SNX25: variants seen among roughly 807,000 people sequenced by gnomAD.
SNX25 encodes the protein sorting nexin 25.
Under a neutral mutation model 113.7 loss-of-function variants are expected in SNX25, and 62 were observed. The ratio of observed to expected loss-of-function variants is 0.55; its 90% CI spans 0.44 to 0.67. The LOEUF is 0.67. SNX25 is among the 30% of genes least tolerant of loss of function. SNX25 has a pLI of 0.00. For synonymous variants in SNX25, 421 were observed against 436.2 expected (o/e 0.97, Z 0.43); for missense variants, 1,014 against 1,161.0 (o/e 0.87, Z 1.84).
At chr4:185,352,454 T>C (rs1354562947) in intron 14 of SNX25, among the ~76,000 whole-genome samples, 1 of 152,092 alleles carries the variant, frequency 6.6e-6, no homozygotes, top group African/African-American at 2.4e-5. Context: ...CCTGCTCCAG[T>C]CCACACATCT....
chr4:185,254,018 T>C (rs1746037921), intron 2 of SNX25, among the ~76,000 whole-genome samples: 1 of 152,184 alleles, frequency 6.6e-6, no homozygotes, highest in African/African-American at 2.4e-5. Context: ...GCAAACTTTA[T>C]GTGGTAGTCT....
rs1742013725 is a variant in SNX25 at position 185,232,428 on chromosome 4, T to G, written c.430-14866T>G. Among the ~76,000 whole-genome samples the G allele has an allele frequency of 6.6e-6, 1 of 152,172 alleles. No individual in the cohort carries two copies. The highest frequency in any genetic ancestry group is 2.1e-4 in the South Asian group (1 of 4,818). On this transcript the variant is annotated intron_variant, in intron 1 of 18. Transcript: ENST00000652585. The surrounding 1 kb of genome is among the most constrained non-coding windows in gnomAD (Gnocchi z 4.4). Reference sequence around the variant, plus strand: ...TTCTTCCCTTTTATGGGCCGACCCCTCCTCTGCATCCTGTTTGCTTATCAT... The same window carrying G: ...TTCTTCCCTTTTATGGGCCGACCCCGCCTCTGCATCCTGTTTGCTTATCAT...
chr4:185,206,826 G>A (rs1024841026), upstream of SNX25, among the ~76,000 whole-genome samples: 2 of 152,148 alleles, frequency 1.3e-5, no homozygotes, highest in Non-Finnish European at 1.5e-5. Flanking sequence ...GCCGGCTGGA[G>A]AGCCTGGAAA....
intron 3 of SNX25, among the ~76,000 whole-genome samples, chr4:185,262,771 A>G (rs1176081459): frequency 6.6e-6 from 1 of 152,234 alleles, no homozygotes; most frequent in Non-Finnish European, 1.5e-5. Flanking sequence ...ATGAGAACCC[A>G]GAGGTACGTA....
chr4:185,363,446 T>C lies in SNX25; in HGVS notation c.2996T>C (p.Leu999Pro), dbSNP rs1343821264. 2 of 1,614,014 alleles carry C rather than the reference T, an allele frequency of 1.2e-6. No homozygotes were observed. Among genetic ancestry groups the C allele is most frequent in the Non-Finnish European group, 1.7e-6 (2 of 1,179,982 alleles). Residue 999 changes from leucine to proline, a missense_variant, in exon 19 of 19, where the codon CTT becomes CCT. Leu to Pro is a moderately conservative substitution (Grantham distance 98). Coordinates refer to ENST00000652585, the MANE Select transcript of SNX25 (RefSeq NM_001378034.2). This position sits in a 1 kb window ranked among gnomAD's most constrained non-coding sequence, Gnocchi z 4.2. ...CPELRVHLDQLKAGQV is the reference protein window; with the variant it reads ...CPELRVHLDQPKAGQV ...GAGCTGAGAGTTCATTTAGATCAAC[T>C]TAAAGCTGGCCAAGTTTGAGACTAC...
intron 9 of SNX25, among the ~76,000 whole-genome samples, chr4:185,326,368 A>C (rs2095157301): frequency 1.3e-5 from 2 of 152,146 alleles, no homozygotes; most frequent in Admixed American, 6.5e-5. Context: ...AGTTATCAGA[A>C]ACCTGCATTT....
At chr4:185,375,927 T>C in the SNX25 span, among the ~76,000 whole-genome samples, 1 of 152,066 alleles carries the variant, frequency 6.6e-6, no homozygotes, top group South Asian at 2.1e-4. Context: ...AGGCGCACGA[T>C]GAGCCCTCAG....
intron 1 of SNX25, among the ~76,000 whole-genome samples, chr4:185,227,458 T>C (rs138920851): frequency 5.8e-4 from 89 of 152,350 alleles, no homozygotes; most frequent in African/African-American, 2.1e-3. Context: ...AGTTTACCAT[T>C]GGGTGGGTGT....
chr4:185,267,047 A>C lies in SNX25; in HGVS notation c.983A>C (p.Glu328Ala), dbSNP rs1051329287. 3.1e-6 allele frequency: 5 copies of C among 1,613,916 alleles called. No homozygotes were observed. The African/African-American group carries it at 6.7e-5, about 22-fold the overall frequency. The change falls in exon 5 of 19, where the codon GAG becomes GCG. Residue 328 changes from glutamate (E) to alanine (A), a missense_variant. Transcript: ENST00000652585. Reference sequence around the variant, plus strand: ...CTGCTTGCCCAGCTGGCGTACAGAGAGCAAATGAATGAGCATCACAAGAGA... The same window carrying C: ...CTGCTTGCCCAGCTGGCGTACAGAGCGCAAATGAATGAGCATCACAAGAGA... ...QMLLAQLAYR[E>A]QMNEHHKRAY... is the part of the protein sequence containing the mutation.
At chr4:185,298,237 C>T (rs1753122522) in intron 6 of SNX25, among the ~76,000 whole-genome samples, 1 of 151,868 alleles carries the variant, frequency 6.6e-6, no homozygotes, top group African/African-American at 2.4e-5. Flanking sequence ...TACAGGCATG[C>T]ACCACCACAC....
intron 6 of SNX25, among the ~76,000 whole-genome samples, chr4:185,301,731 C>G (rs1239398024): frequency 6.6e-6 from 1 of 150,956 alleles, no homozygotes; most frequent in African/African-American, 2.4e-5. Context: ...GGACCACAGG[C>G]ATGCGCCAGC....
chr4:185,376,331 G>A, the SNX25 span, among the ~76,000 whole-genome samples: 110 of 152,234 alleles, frequency 7.2e-4, no homozygotes, highest in South Asian at 3.3e-3. Context: ...AGGCTGGAGT[G>A]CAGTGGCACG....
intron 5 of SNX25, among the ~76,000 whole-genome samples, chr4:185,285,462 G>C (rs547160484): frequency 1.9e-4 from 29 of 152,348 alleles, no homozygotes; most frequent in African/African-American, 6.7e-4. Context: ...ACATGTATGT[G>C]ATAGTTTGGG....
intron 13 of SNX25, among the ~76,000 whole-genome samples, chr4:185,348,108 A>G (rs536295979): frequency 6.6e-6 from 1 of 152,204 alleles, no homozygotes; most frequent in Non-Finnish European, 1.5e-5. Context: ...AATAAGGCCA[A>G]AGGTGTACTG....
intron 5 of SNX25, among the ~76,000 whole-genome samples, chr4:185,268,102 T>A (rs1365956992): frequency 3.3e-5 from 5 of 152,016 alleles, no homozygotes; most frequent in African/African-American, 1.2e-4. Flanking sequence ...TTTTCAAGAG[T>A]CAGCTGTAAT....
intron 6 of SNX25, chr4:185,296,089 C>G (rs1752799824): frequency 6.6e-6 from 1 of 152,178 alleles, no homozygotes; most frequent in Non-Finnish European, 1.5e-5. Context: ...CTGGAGGGGA[C>G]AAATGCTTGC....
At position 185,219,620 on chromosome 4, in the gene SNX25, T is replaced by C. The variant is rs192435885; in HGVS notation, c.429+9365T>C. 2.9e-3 allele frequency among the ~76,000 whole-genome samples: 440 copies of C among 152,336 alleles called. 2 individuals are homozygous for C. Among genetic ancestry groups the C allele is most frequent in the Admixed American group, 5.0e-3 (77 of 15,304 alleles). ...CTTCTTATGGAAGCTAAGGAACTTA[T>C]GCCCCTCCTTGCATCTCCTGTGAAG... On this transcript the variant is annotated intron_variant, in intron 1 of 18. Coordinates refer to ENST00000652585, the MANE Select transcript of SNX25 (RefSeq NM_001378034.2).
chr4:185,328,121 T>G (rs1051291214), intron 9 of SNX25, among the ~76,000 whole-genome samples: 3 of 152,202 alleles, frequency 2.0e-5, no homozygotes, highest in Non-Finnish European at 4.4e-5. Context: ...ACACAACACA[T>G]GTATAGCCAC....
the SNX25 span, chr4:185,378,222 A>G: frequency 0.021 from 33,543 of 1,604,060 alleles, 597 homozygotes; most frequent in Middle Eastern, 0.064. Flanking sequence ...AAGCAAGAAG[A>G]AAAAATAAGT....
Sources: gnomAD v4.1 joint callset for allele counts (sites outside exome capture counted in the v4.1 genomes callset) on GRCh38, gnomAD v4.1.1 for gene constraint, Gnocchi (gnomAD v3.1) non-coding constraint, MANE v1.5 for transcripts, NCBI Gene and HGNC (gene_info 2026-07-23, HGNC 2026-07-21) for gene names.